Variants in CDH4 observed in about 807,000 individuals in gnomAD.
CDH4 encodes cadherin-4.
A neutral mutation model predicts 86.0 loss-of-function variants in CDH4; 33 were observed. That is an observed-to-expected ratio of 0.38 (90% confidence interval 0.29 to 0.51). CDH4 has a LOEUF of 0.51. CDH4 is among the 20% of genes least tolerant of loss of function. The pLI is 0.86. For missense variants in CDH4, 1,114 were observed against 1,307.4 expected, an observed-to-expected ratio of 0.85 and a Z score of 2.28; for synonymous variants, 555 against 549.4, an observed-to-expected ratio of 1.01 and a Z score of -0.14.
chr20:61,702,496 C>T (rs2087787556), intron 2 of CDH4, among the ~76,000 whole-genome samples: 1 of 152,200 alleles, frequency 6.6e-6, no homozygotes, highest in South Asian at 2.1e-4. Flanking sequence ...GCAGACGCTT[C>T]GCACTGTGTG....
rs538252628 is a variant in CDH4 at position 61,420,806 on chromosome 20, A to C, written c.169+165869A>C. ...GCCCATGCACAGAGCACTGGTGAAC[A>C]GAGTGTGGCATGTCCCACGGGGGAT... On this transcript the variant is annotated intron_variant, in intron 2 of 15. Transcript: ENST00000614565. Among the ~76,000 whole-genome samples the C allele has an allele frequency of 2.0e-5, 3 of 152,318 alleles. No individual in the cohort carries two copies. The South Asian group carries it at 6.2e-4, about 32-fold the overall frequency.
At chr20:61,800,096 C>T (rs998907391) in intron 4 of CDH4, among the ~76,000 whole-genome samples, 6 of 152,210 alleles carry the variant, frequency 3.9e-5, no homozygotes, top group African/African-American at 1.2e-4. Context: ...GGTCCAGGGC[C>T]GGGTGGGGCC....
chr20:61,888,938 G>A (rs1468933162), intron 7 of CDH4, among the ~76,000 whole-genome samples: 2 of 152,232 alleles, frequency 1.3e-5, no homozygotes, highest in African/African-American at 4.8e-5. Flanking sequence ...TGACCACGCA[G>A]TGTGACACCA....
At chr20:61,920,615 CAT>C (rs2054967039) in intron 9 of CDH4, among the ~76,000 whole-genome samples, 1 of 132,480 alleles carries the variant, frequency 7.5e-6, no homozygotes, top group Non-Finnish European at 1.8e-5. Flanking sequence ...ACAGTGATTG[CAT>C]GGAAGTGTGG....
chr20:61,506,626 C>A (rs2085743145), intron 2 of CDH4, among the ~76,000 whole-genome samples: 1 of 152,152 alleles, frequency 6.6e-6, no homozygotes, highest in Admixed American at 6.5e-5. Flanking sequence ...CTACTAGGTG[C>A]AGATCATGTT....
chr20:61,776,521 C>T (rs1172166937), intron 4 of CDH4, among the ~76,000 whole-genome samples: 1 of 152,236 alleles, frequency 6.6e-6, no homozygotes, highest in African/African-American at 2.4e-5. Context: ...ACTTTGTCAT[C>T]TGCTCCTCAT....
At chr20:61,839,852 AT>A (rs1454307555) in intron 4 of CDH4, among the ~76,000 whole-genome samples, 2 of 148,196 alleles carry the variant, frequency 1.3e-5, no homozygotes, top group Non-Finnish European at 3.0e-5. Context: ...GCGTATGTGT[AT>A]GTGTGTTTGT....
intron 2 of CDH4, among the ~76,000 whole-genome samples, chr20:61,449,850 G>T (rs141733330): frequency 6.6e-6 from 1 of 152,276 alleles, no homozygotes; most frequent in East Asian, 1.9e-4. Flanking sequence ...AGATTCTGTG[G>T]TATTTTGTGG....
chr20:61,768,985 C>A (rs1347951569), intron 3 of CDH4, among the ~76,000 whole-genome samples: 1 of 152,190 alleles, frequency 6.6e-6, no homozygotes, highest in Admixed American at 6.5e-5. Flanking sequence ...GGTTCTGAAG[C>A]ACCACCAGGC....
intron 2 of CDH4, among the ~76,000 whole-genome samples, chr20:61,618,008 T>A (rs1246544431): frequency 6.6e-6 from 1 of 152,146 alleles, no homozygotes; most frequent in Non-Finnish European, 1.5e-5. Context: ...CCTGCCGCCA[T>A]GTAAGATGTG....
At chr20:61,282,175 A>G (rs2084262393) in intron 2 of CDH4, among the ~76,000 whole-genome samples, 1 of 152,182 alleles carries the variant, frequency 6.6e-6, no homozygotes, top group South Asian at 2.1e-4. Context: ...CCTGGCCAAC[A>G]TGGTGAAACC....
intron 6 of CDH4, among the ~76,000 whole-genome samples, chr20:61,863,588 C>T (rs902422475): frequency 5.3e-5 from 8 of 152,056 alleles, no homozygotes; most frequent in South Asian, 2.1e-4. Context: ...CTGCAGGGCT[C>T]GCACTTGAGC....
intron 4 of CDH4, among the ~76,000 whole-genome samples, chr20:61,798,966 G>A (rs774958478): frequency 2.0e-5 from 3 of 152,242 alleles, no homozygotes; most frequent in African/African-American, 4.8e-5. Flanking sequence ...CAGCTACTGT[G>A]TTGTGATCAA....
intron 4 of CDH4, among the ~76,000 whole-genome samples, chr20:61,774,155 G>C (rs116235891): frequency 6.6e-6 from 1 of 152,204 alleles, no homozygotes; most frequent in African/African-American, 2.4e-5. Context: ...GCACAGAGCC[G>C]GCCCTCCCAC....
intron 2 of CDH4, among the ~76,000 whole-genome samples, chr20:61,554,842 A>G (rs1378620909): frequency 6.6e-6 from 1 of 152,204 alleles, no homozygotes; most frequent in Admixed American, 6.5e-5. Flanking sequence ...GCATCTGTGC[A>G]TGTATGCGTG....
At chr20:61,924,797 G>A (rs2055026982) in intron 11 of CDH4, among the ~76,000 whole-genome samples, 2 of 152,208 alleles carry the variant, frequency 1.3e-5, no homozygotes, top group South Asian at 2.1e-4. Flanking sequence ...AGGGGCATCA[G>A]GGCACTGGTC....
intron 2 of CDH4, among the ~76,000 whole-genome samples, chr20:61,527,042 G>A (rs886925435): frequency 4.6e-5 from 7 of 152,218 alleles, no homozygotes; most frequent in African/African-American, 7.2e-5. Context: ...ATTGGCCTCC[G>A]TGGTGTCTCT....
At chr20:61,920,685 C>T (rs545829788) in intron 9 of CDH4, among the ~76,000 whole-genome samples, 15 of 139,116 alleles carry the variant, frequency 1.1e-4, no homozygotes, top group African/African-American at 3.6e-4. Flanking sequence ...AGCGTGGTGT[C>T]GTGATGATTG....
At chr20:61,831,284 T>G (rs569984893) in intron 4 of CDH4, among the ~76,000 whole-genome samples, 3 of 152,224 alleles carry the variant, frequency 2.0e-5, no homozygotes, top group African/African-American at 7.2e-5. Flanking sequence ...TGGTGATGGG[T>G]CCTCGTGGTG....
Sources: gnomAD v4.1 joint callset for allele counts (sites outside exome capture counted in the v4.1 genomes callset) on GRCh38, gnomAD v4.1.1 for gene constraint, MANE v1.5 for transcripts, NCBI Gene and HGNC (gene_info 2026-07-23, HGNC 2026-07-21) for gene names.